The following CYTH1 variants were observed in gnomAD, a reference collection of about 807,000 sequenced individuals.
CYTH1 encodes cytohesin 1.
In CYTH1, 18 loss-of-function variants were observed where a neutral mutation model predicts 61.8. That is an observed-to-expected ratio of 0.29 (90% confidence interval 0.20 to 0.43). The LOEUF (loss-of-function observed/expected upper bound fraction) is 0.43, where lower values mean the gene tolerates loss of function less well. CYTH1 is among the 20% of genes least tolerant of loss of function. CYTH1 has a pLI of 1.00. For missense variants in CYTH1, 336 were observed against 510.5 expected (o/e 0.66, Z 3.29); for synonymous variants, 174 against 184.3 (o/e 0.94, Z 0.45).
chr17:78,737,925 CTACT>C (rs1164385697), intron 1 of CYTH1, among the ~76,000 whole-genome samples: 2 of 151,554 alleles, frequency 1.3e-5, no homozygotes, highest in Admixed American at 1.3e-4. Context: ...CGTTTTATAG[CTACT>C]TATTTTTACT....
At chr17:78,727,563 A>C (rs1363560725) in intron 1 of CYTH1, 1 of 395,592 alleles carries the variant, frequency 2.5e-6, no homozygotes, top group Non-Finnish European at 5.4e-6. Flanking sequence ...CCGGGTTTGC[A>C]AAAGTTTGGG....
chr17:78,745,753 A>G (rs1470074141), intron 1 of CYTH1, among the ~76,000 whole-genome samples: 2 of 152,114 alleles, frequency 1.3e-5, no homozygotes, highest in Non-Finnish European at 2.9e-5. Context: ...TTAGCCAGGC[A>G]TGGTGGCACA....
chr17:78,748,347 T>G (rs1403534008), intron 1 of CYTH1, among the ~76,000 whole-genome samples: 1 of 152,222 alleles, frequency 6.6e-6, no homozygotes, highest in African/African-American at 2.4e-5. Context: ...TCCTGCTGTG[T>G]GATTAACAAA....
intron 1 of CYTH1, among the ~76,000 whole-genome samples, chr17:78,757,817 CA>C (rs2093407747): frequency 6.6e-6 from 1 of 151,522 alleles, no homozygotes; most frequent in Non-Finnish European, 1.5e-5. Flanking sequence ...GAGGCTGAGG[CA>C]GGGGAATTGC....
intron 10 of CYTH1, 112 bp downstream of exon 10, chr17:78,695,895 A>G: frequency 7.5e-7 from 1 of 1,330,180 alleles, no homozygotes; most frequent in South Asian, 1.2e-5. Flanking sequence ...AGCAGCATTA[A>G]CACTACCACC....
At chr17:78,781,262 C>T (rs2093516403) in intron 1 of CYTH1, among the ~76,000 whole-genome samples, 1 of 152,014 alleles carries the variant, frequency 6.6e-6, no homozygotes, top group Non-Finnish European at 1.5e-5. Context: ...TTGTACTTTG[C>T]TACCAAACCA....
At position 78,771,914 on chromosome 17, in the gene CYTH1, A is replaced by G. The variant is rs368787946; in HGVS notation, c.22+10288T>C. Among the ~76,000 whole-genome samples the G allele has an allele frequency of 7.9e-5, 12 of 152,234 alleles. 4 individuals are homozygous for G. Among genetic ancestry groups the G allele is most frequent in the Admixed American group, 6.5e-5 (1 of 15,276 alleles). ...TCCTGGATAATGAGGAGTCATAGAA[A>G]TCCCCTACATACCCTTCACTGCTTT... On this transcript the variant is annotated intron_variant, in intron 1 of 13. Coordinates refer to ENST00000446868, the MANE Select transcript of CYTH1 (RefSeq NM_004762.6).
chr17:78,781,863 T>C (rs1248611253), intron 1 of CYTH1, among the ~76,000 whole-genome samples: 1 of 149,838 alleles, frequency 6.7e-6, no homozygotes, highest in Non-Finnish European at 1.5e-5. Context: ...GCCCCTGAGA[T>C]CCTGCCCCGC....
intron 1 of CYTH1, among the ~76,000 whole-genome samples, chr17:78,728,763 T>C (rs1375706603): frequency 6.6e-6 from 1 of 151,896 alleles, no homozygotes; most frequent in Non-Finnish European, 1.5e-5. Context: ...GAAAACAAAC[T>C]CAAGAAATAC....
intron 1 of CYTH1, among the ~76,000 whole-genome samples, chr17:78,732,786 C>T (rs931458384): frequency 4.6e-5 from 7 of 152,118 alleles, no homozygotes; most frequent in East Asian, 1.9e-4. Flanking sequence ...TCACATGGCA[C>T]GCATTAAAAC....
rs1474055297 is a variant in CYTH1 at position 78,700,655 on chromosome 17, C to T, written c.438-212G>A. On this transcript the variant is annotated intron_variant, in intron 6 of 13. Transcript: ENST00000446868. This position sits in a 1 kb window ranked among gnomAD's most constrained non-coding sequence, Gnocchi z 5.1. ...TCTTCTGCCTCAGCCTCCCGAGTAG[C>T]CGGGACTACAGGCACACGCCACCAT... is the stretch of plus-strand genomic sequence containing the variant. Among the ~76,000 whole-genome samples the T allele has an allele frequency of 6.6e-6, 1 of 152,118 alleles. No individual in the cohort carries two copies. The highest frequency in any genetic ancestry group is 2.4e-5 in the African/African-American group (1 of 41,414).
intron 1 of CYTH1, among the ~76,000 whole-genome samples, chr17:78,733,814 G>A (rs2093307242): frequency 1.3e-5 from 2 of 152,224 alleles, no homozygotes; most frequent in Admixed American, 6.5e-5. Context: ...GCAACAATGG[G>A]CACACCACAG....
rs1490317613 is a variant in CYTH1 at position 78,674,827 on chromosome 17, CGT to C, written c.*1262_*1263del. The C allele has an allele frequency of 1.3e-5, 2 of 152,360 alleles. No homozygotes were observed. The highest frequency in any genetic ancestry group is 4.8e-5 in the African/African-American group (2 of 41,450). 9.4% of individuals were successfully genotyped at this position (152,360 alleles called of 1,614,324 possible). ...CTGAGAGAACGGCAGGAAAATGCTGCGTGTCACGGCTCCCTTCATACTGTAAT... is the reference window on the plus strand; with the variant it reads ...CTGAGAGAACGGCAGGAAAATGCTGCGTCACGGCTCCCTTCATACTGTAAT... On this transcript the variant is annotated 3_prime_UTR_variant, in exon 14 of 14. Transcript: ENST00000446868.
At chr17:78,743,215 T>C (rs569161220) in intron 1 of CYTH1, among the ~76,000 whole-genome samples, 1 of 152,274 alleles carries the variant, frequency 6.6e-6, no homozygotes, top group South Asian at 2.1e-4. Flanking sequence ...AGGAAGAATA[T>C]ATACTAAACA....
intron 1 of CYTH1, among the ~76,000 whole-genome samples, chr17:78,738,271 G>A (rs1249322220): frequency 2.6e-5 from 4 of 152,066 alleles, no homozygotes; most frequent in Non-Finnish European, 5.9e-5. Context: ...GAGTGTCCTC[G>A]CCATCCCCAG....
intron 1 of CYTH1, among the ~76,000 whole-genome samples, chr17:78,718,261 ACACACACG>A (rs1435101366): frequency 6.7e-5 from 10 of 148,412 alleles, no homozygotes; most frequent in Non-Finnish European, 1.2e-4. Flanking sequence ...ACACACACAC[ACACACACG>A]CTCCTTCTCT....
rs943214969 is a variant in CYTH1 at position 78,674,740 on chromosome 17, C to A, written c.*1351G>T. 2 of 152,440 alleles carry A rather than the reference C, an allele frequency of 1.3e-5. No homozygotes were observed. Among genetic ancestry groups the A allele is most frequent in the Non-Finnish European group, 2.9e-5 (2 of 68,184 alleles). 9.4% of individuals were successfully genotyped at this position (152,440 alleles called of 1,614,324 possible). A position where few individuals can be genotyped will look rare whatever the true frequency, so the allele number is the denominator to read the frequency against. On this transcript the variant is annotated 3_prime_UTR_variant, in exon 14 of 14. Coordinates refer to ENST00000446868, the MANE Select transcript of CYTH1 (RefSeq NM_004762.6). Reference sequence around the variant, plus strand: ...GGCGAGACGGCCAGACAGCCAGCCACCTGCTCTGCCTGGACTGGCATGCTG... The same window carrying A: ...GGCGAGACGGCCAGACAGCCAGCCAACTGCTCTGCCTGGACTGGCATGCTG...
At chr17:78,762,928 G>A (rs34961772) in intron 1 of CYTH1, among the ~76,000 whole-genome samples, 9,381 of 152,228 alleles carry the variant, frequency 0.062, 534 homozygotes, top group East Asian at 0.18. Context: ...CCTCCAAACT[G>A]TAAGATAATA....
intron 1 of CYTH1, among the ~76,000 whole-genome samples, chr17:78,711,114 T>C (rs1004971107): frequency 3.3e-5 from 5 of 151,496 alleles, no homozygotes; most frequent in Admixed American, 6.6e-5. Flanking sequence ...TACAAAAAAT[T>C]AGCTGGGCGT....
Sources: allele counts gnomAD v4.1 joint callset (sites outside exome capture counted in the v4.1 genomes callset), GRCh38; gene constraint gnomAD v4.1.1; non-coding constraint Gnocchi (gnomAD v3.1); transcripts MANE v1.5; gene names NCBI Gene and HGNC (gene_info 2026-07-23, HGNC 2026-07-21).